The following LRRIQ3 variants were observed in gnomAD, a reference collection of about 807,000 sequenced individuals.
LRRIQ3 encodes leucine rich repeats and IQ motif containing 3.
A neutral mutation model predicts 59.3 loss-of-function variants in LRRIQ3; 75 were observed. The ratio of observed to expected loss-of-function variants is 1.26; its 90% CI spans 1.05 to 1.53. The LOEUF (loss-of-function observed/expected upper bound fraction) is 1.53, where lower values mean the gene tolerates loss of function less well. Ranked by LOEUF, LRRIQ3 falls within the 40% of genes most tolerant of loss-of-function variation. LRRIQ3 has a pLI of 0.00. For missense variants in LRRIQ3, 831 were observed against 710.0 expected (o/e 1.17, Z -1.94); for synonymous variants, 250 against 231.3 (o/e 1.08, Z -0.73).
chr1:74,183,268 T>A, intron 2 of LRRIQ3, 168 bp downstream of exon 2: 1 of 485,314 alleles, frequency 2.1e-6, no homozygotes, highest in Non-Finnish European at 3.5e-6. Context: ...TACATCAAAG[T>A]GTCCGTATTT....
At chr1:74,171,425 T>G (rs1649315420) in intron 3 of LRRIQ3, among the ~76,000 whole-genome samples, 1 of 152,204 alleles carries the variant, frequency 6.6e-6, no homozygotes, top group Non-Finnish European at 1.5e-5. Flanking sequence ...TATTATTCAT[T>G]CTGTTAATGT....
rs1402308224 is a variant in LRRIQ3 at position 74,178,937 on chromosome 1, T to C, written c.573+3601A>G. Among the ~76,000 whole-genome samples the C allele has an allele frequency of 2.6e-5, 4 of 152,124 alleles. No individual in the cohort carries two copies. In the East Asian group the frequency reaches 7.7e-4, roughly 29 times the overall value. ...TATGAGAGGTAGGGGGACTGTTCAC[T>C]TGCTAAAGGTGGCAGAGCAGGAAGC... On this transcript the variant is annotated intron_variant, in intron 3 of 7. Transcript: ENST00000354431.
rs1313296437 is a variant in LRRIQ3 at position 74,183,448 on chromosome 1, G to C, written c.237C>G (p.Leu79=). The C allele has an allele frequency of 6.4e-7, 1 of 1,572,554 alleles. No homozygotes were observed. The highest frequency in any genetic ancestry group is 1.4e-5 in the African/African-American group (1 of 72,894). ...QSCIKLIKLD[L]HGNQIKSLPN... is the part of the protein sequence containing the mutation. ...GGCTATTGCTTACCTGATTTCCATG[G>C]AGATCAAGTTTGATTAATTTTATAC... Residue 79 remains leucine, a synonymous_variant, in exon 2 of 8, where the codon CTC becomes CTG. Coordinates refer to ENST00000354431, the MANE Select transcript of LRRIQ3 (RefSeq NM_001105659.2).
At chr1:74,159,990 T>C (rs1400053809) in intron 3 of LRRIQ3, among the ~76,000 whole-genome samples, 1 of 152,042 alleles carries the variant, frequency 6.6e-6, no homozygotes, top group Admixed American at 6.6e-5. Context: ...ACCTGAACTA[T>C]TATAATAGAC....
intron 6 of LRRIQ3, chr1:74,050,476 A>G: frequency 1.0e-6 from 1 of 973,756 alleles, no homozygotes; most frequent in Non-Finnish European, 1.2e-6. Flanking sequence ...AGATAGTTGG[A>G]TCTTTTAGGA....
At chr1:74,164,177 G>T (rs181091957) in intron 3 of LRRIQ3, among the ~76,000 whole-genome samples, 1 of 151,084 alleles carries the variant, frequency 6.6e-6, no homozygotes, top group South Asian at 2.1e-4. Context: ...CTATATACTA[G>T]TCTTTTTTCA....
intron 6 of LRRIQ3, among the ~76,000 whole-genome samples, chr1:74,044,946 T>A (rs1026907898): frequency 6.6e-5 from 10 of 151,954 alleles, no homozygotes; most frequent in African/African-American, 2.2e-4. Context: ...CAATAACTAG[T>A]TCTGAAATTG....
chr1:74,072,323 A>G (rs996192684), intron 6 of LRRIQ3, among the ~76,000 whole-genome samples: 1 of 152,088 alleles, frequency 6.6e-6, no homozygotes, highest in African/African-American at 2.4e-5. Flanking sequence ...TACCAGAACC[A>G]TTACTTACTG....
intron 6 of LRRIQ3, among the ~76,000 whole-genome samples, chr1:74,054,005 C>T (rs534849921): frequency 1.3e-5 from 2 of 152,200 alleles, no homozygotes; most frequent in African/African-American, 2.4e-5. Flanking sequence ...CTGTCATGTT[C>T]CTTGGTACCC....
intron 4 of LRRIQ3, among the ~76,000 whole-genome samples, chr1:74,140,793 T>C (rs1389715880): frequency 6.6e-6 from 1 of 151,754 alleles, no homozygotes; most frequent in Non-Finnish European, 1.5e-5. Context: ...GAAATGTCCT[T>C]CCCTACCTCA....
intron 3 of LRRIQ3, among the ~76,000 whole-genome samples, chr1:74,158,325 G>A (rs966442646): frequency 6.6e-6 from 1 of 151,860 alleles, no homozygotes; most frequent in East Asian, 1.9e-4. Flanking sequence ...TTATTGGCTT[G>A]CCAATGAAAG....
Position 74,041,901 on chromosome 1 carries a change from T to C in LRRIQ3, c.1030A>G (p.Lys344Glu). 1.2e-6 allele frequency: 2 copies of C among 1,606,200 alleles called. No homozygotes were observed. The highest frequency in any genetic ancestry group is 4.5e-5 in the East Asian group (2 of 44,692). ...QESEDEIVDE[K>E]LDTSFRISVF... ...GATATCCTAAAACTGGTATCCAATT[T>C]TTCATCCACAATTTCATCTTCAGAC... is the stretch of plus-strand genomic sequence containing the variant. The change falls in exon 7 of 8, where the codon AAA becomes GAA. Residue 344 changes from lysine to glutamate, a missense_variant. Transcript: ENST00000354431.
At chr1:74,124,596 A>C (rs747875623) in intron 4 of LRRIQ3, among the ~76,000 whole-genome samples, 7 of 151,894 alleles carry the variant, frequency 4.6e-5, no homozygotes, top group Non-Finnish European at 8.8e-5. Flanking sequence ...AATTTTCCCA[A>C]CACCACTTAC....
chr1:74,156,933 C>T (rs1273826738), intron 3 of LRRIQ3, among the ~76,000 whole-genome samples: 2 of 151,930 alleles, frequency 1.3e-5, no homozygotes, highest in Non-Finnish European at 2.9e-5. Context: ...TCATGAAGCA[C>T]CTCTTCTGAA....
chr1:74,154,110 G>A (rs1428170913), intron 4 of LRRIQ3, among the ~76,000 whole-genome samples: 11 of 151,408 alleles, frequency 7.3e-5, no homozygotes, highest in Non-Finnish European at 1.6e-4. Flanking sequence ...GCGTGGCGGC[G>A]GGTGCCTGTA....
chr1:74,099,943 C>G (rs1000322745), intron 5 of LRRIQ3, among the ~76,000 whole-genome samples: 59 of 152,218 alleles, frequency 3.9e-4, no homozygotes, highest in African/African-American at 1.4e-3. Flanking sequence ...AACCCACAGC[C>G]AATATCATAC....
intron 3 of LRRIQ3, among the ~76,000 whole-genome samples, chr1:74,166,597 T>A (rs1007379236): frequency 6.6e-6 from 1 of 151,884 alleles, no homozygotes; most frequent in Non-Finnish European, 1.5e-5. Flanking sequence ...AATTTTGCTC[T>A]TCTTTTTCTA....
chr1:74,169,410 G>T (rs1649187277), intron 3 of LRRIQ3, among the ~76,000 whole-genome samples: 1 of 152,030 alleles, frequency 6.6e-6, no homozygotes, highest in Admixed American at 6.6e-5. Context: ...GATTTTAATT[G>T]TTTCTTATAT....
Position 74,141,918 on chromosome 1 carries a change from C to T in LRRIQ3, c.707+13815G>A, listed in dbSNP as rs149706287. Among the ~76,000 whole-genome samples, 5 of 151,634 alleles carry T rather than the reference C, an allele frequency of 3.3e-5. No individual in the cohort carries two copies. In the East Asian group the frequency reaches 5.8e-4, roughly 18 times the overall value. ...ATTAAACTGAGTTACCACTTCTTCC[C>T]CTAAAGAATTCTCATTATTTTTAAA... On this transcript the variant is annotated intron_variant, in intron 4 of 7. Coordinates refer to ENST00000354431, the MANE Select transcript of LRRIQ3 (RefSeq NM_001105659.2).
Sources: allele counts gnomAD v4.1 joint callset (sites outside exome capture counted in the v4.1 genomes callset), GRCh38; gene constraint gnomAD v4.1.1; transcripts MANE v1.5; gene names NCBI Gene and HGNC (gene_info 2026-07-23, HGNC 2026-07-21).